Variants in THSD4 observed in about 807,000 individuals in gnomAD.
THSD4 encodes the protein thrombospondin type 1 domain containing 4, also known as thrombospondin type-1 domain-containing protein 4.
A neutral mutation model predicts 119.0 loss-of-function variants in THSD4; 69 were observed. That is an observed-to-expected ratio of 0.58 (90% CI 0.48 to 0.71). The LOEUF (loss-of-function observed/expected upper bound fraction) is 0.71, where lower values mean the gene tolerates loss of function less well. THSD4 is among the 30% of genes least tolerant of loss of function. The pLI is 0.00. For missense variants in THSD4, 1,393 were observed against 1,391.1 expected (o/e 1.00, Z -0.02); for synonymous variants, 524 against 540.4 (o/e 0.97, Z 0.42).
intron 3 of THSD4, among the ~76,000 whole-genome samples, chr15:71,191,489 G>A (rs559603400): frequency 3.3e-5 from 5 of 152,192 alleles, no homozygotes; most frequent in East Asian, 1.9e-4. Flanking sequence ...TATTTGCTGC[G>A]TGCCAGGCAT....
chr15:71,277,116 ATTC>A (rs1034428830), intron 6 of THSD4, among the ~76,000 whole-genome samples: 9 of 109,212 alleles, frequency 8.2e-5, no homozygotes, highest in South Asian at 5.2e-4. Context: ...TTGTATTTGA[ATTC>A]TTCTTCTTCT....
chr15:71,363,188 G>A (rs1335143370), intron 6 of THSD4, among the ~76,000 whole-genome samples: 1 of 152,080 alleles, frequency 6.6e-6, no homozygotes, highest in East Asian at 1.9e-4. Flanking sequence ...TAGACTGTAG[G>A]CCAGTCTGTG....
upstream of THSD4, chr15:71,112,371 G>T: frequency 1.2e-6 from 1 of 848,894 alleles, no homozygotes; most frequent in Non-Finnish European, 1.7e-6. Flanking sequence ...GTAAGCTAGA[G>T]CTGTCTTACA....
At chr15:71,451,212 C>T (rs779262316) in intron 7 of THSD4, among the ~76,000 whole-genome samples, 1 of 152,052 alleles carries the variant, frequency 6.6e-6, no homozygotes, top group African/African-American at 2.4e-5. Context: ...GGGGTGGTAG[C>T]GACACAAGTT....
chr15:71,204,507 C>A (rs1191570715), intron 3 of THSD4, among the ~76,000 whole-genome samples: 1 of 152,032 alleles, frequency 6.6e-6, no homozygotes, highest in African/African-American at 2.4e-5. Flanking sequence ...AGTGTGCTTC[C>A]AGGAAAAATC....
chr15:71,763,872 C>G (rs944654596), intron 15 of THSD4, among the ~76,000 whole-genome samples: 1 of 152,148 alleles, frequency 6.6e-6, no homozygotes, highest in African/African-American at 2.4e-5. Flanking sequence ...CAAGACCAGC[C>G]TGGGCAACAT....
intron 8 of THSD4, among the ~76,000 whole-genome samples, chr15:71,668,396 G>T (rs1368270288): frequency 6.6e-6 from 1 of 152,156 alleles, no homozygotes; most frequent in South Asian, 2.1e-4. Context: ...GAGGGGGTCT[G>T]GGATGAGAAG....
At chr15:71,724,718 T>C (rs1343262983) in intron 8 of THSD4, among the ~76,000 whole-genome samples, 1 of 152,130 alleles carries the variant, frequency 6.6e-6, no homozygotes, top group Non-Finnish European at 1.5e-5. Flanking sequence ...ATTTTATTAG[T>C]CCAGATGAGA....
intron 6 of THSD4, among the ~76,000 whole-genome samples, chr15:71,316,208 C>T (rs2045184669): frequency 6.6e-6 from 1 of 152,180 alleles, no homozygotes; most frequent in South Asian, 2.1e-4. Context: ...CCTGTCCTCT[C>T]TTCTGGTCTT....
intron 7 of THSD4, among the ~76,000 whole-genome samples, chr15:71,656,741 T>A (rs543079252): frequency 6.6e-6 from 1 of 152,228 alleles, no homozygotes; most frequent in Non-Finnish European, 1.5e-5. Context: ...CTCTATCTAT[T>A]ATTAGCATTT....
intron 3 of THSD4, among the ~76,000 whole-genome samples, chr15:71,157,120 A>G (rs1355910228): frequency 1.3e-5 from 2 of 152,178 alleles, no homozygotes; most frequent in East Asian, 3.8e-4. Flanking sequence ...TGTTGCTCAA[A>G]TAGGCTATCA....
intron 7 of THSD4, among the ~76,000 whole-genome samples, chr15:71,639,034 G>A (rs771073447): frequency 2.6e-5 from 4 of 152,120 alleles, no homozygotes; most frequent in Non-Finnish European, 2.9e-5. Flanking sequence ...TTGAGCATCG[G>A]CAGTTAAATG....
At chr15:71,571,454 A>G (rs865864706) in intron 7 of THSD4, among the ~76,000 whole-genome samples, 23 of 152,174 alleles carry the variant, frequency 1.5e-4, no homozygotes, top group African/African-American at 5.5e-4. Context: ...GCAAATCCCA[A>G]GAAATTCCTT....
chr15:71,682,274 A>T (rs995329147), intron 8 of THSD4, among the ~76,000 whole-genome samples: 14 of 152,258 alleles, frequency 9.2e-5, no homozygotes, highest in African/African-American at 3.4e-4. Flanking sequence ...TTTGTTGGAT[A>T]AGCTTTTTAT....
At chr15:71,253,969 A>T (rs1475879226) in intron 5 of THSD4, among the ~76,000 whole-genome samples, 1 of 152,190 alleles carries the variant, frequency 6.6e-6, no homozygotes, top group Non-Finnish European at 1.5e-5. Context: ...ATGATTCTGA[A>T]TGTGCATTGG....
chr15:71,570,588 A>G (rs2049331462), intron 7 of THSD4, among the ~76,000 whole-genome samples: 1 of 152,028 alleles, frequency 6.6e-6, no homozygotes, highest in Non-Finnish European at 1.5e-5. Context: ...TTGTATTTTT[A>G]GTAGAGACGG....
intron 7 of THSD4, among the ~76,000 whole-genome samples, chr15:71,610,020 C>T (rs2050193875): frequency 6.6e-6 from 1 of 152,146 alleles, no homozygotes; most frequent in African/African-American, 2.4e-5. Context: ...GAATCCGAGA[C>T]TGTCATCGAC....
At chr15:71,763,375 A>G (rs758066950) in intron 15 of THSD4, among the ~76,000 whole-genome samples, 1 of 139,216 alleles carries the variant, frequency 7.2e-6, no homozygotes, top group African/African-American at 3.4e-5. Flanking sequence ...TTTAAAGTCT[A>G]TAATAAAGTA....
At chr15:71,398,544 A>G (rs4288952) in intron 6 of THSD4, among the ~76,000 whole-genome samples, 95,881 of 151,876 alleles carry the variant, frequency 0.63, 30,649 homozygotes, top group African/African-American at 0.74. Flanking sequence ...CACAATGAAT[A>G]AATGACATAG....
Sources: gnomAD v4.1 joint callset for allele counts (sites outside exome capture counted in the v4.1 genomes callset) on GRCh38, gnomAD v4.1.1 for gene constraint, MANE v1.5 for transcripts, NCBI Gene and HGNC (gene_info 2026-07-23, HGNC 2026-07-21) for gene names.